DPP6: variants seen among roughly 807,000 people sequenced by gnomAD.
DPP6 encodes the protein dipeptidyl peptidase like 6, also known as A-type potassium channel modulatory protein DPP6.
A neutral mutation model predicts 122.6 loss-of-function variants in DPP6; 69 were observed. The ratio of observed to expected loss-of-function variants is 0.56; its 90% CI spans 0.46 to 0.69. The LOEUF (loss-of-function observed/expected upper bound fraction) is 0.69. Among genes scored for constraint, DPP6 ranks in the 30% least tolerant of loss-of-function variants. The probability of loss-of-function intolerance (pLI) is 0.00; values close to 1 mark genes in which losing one functional copy is unlikely to be tolerated. For missense variants in DPP6, 928 were observed against 1,116.9 expected, an observed-to-expected ratio of 0.83 and a Z score of 2.41; for synonymous variants, 418 against 433.1, an observed-to-expected ratio of 0.97 and a Z score of 0.43.
intron 1 of DPP6, among the ~76,000 whole-genome samples, chr7:153,902,931 T>G (rs779271579): frequency 2.0e-5 from 3 of 152,108 alleles, no homozygotes; most frequent in Non-Finnish European, 4.4e-5. Flanking sequence ...CAGGAAGAAG[T>G]AAGTGTCTTA....
chr7:154,378,121 T>A (rs769927187), intron 1 of DPP6, among the ~76,000 whole-genome samples: 18 of 152,232 alleles, frequency 1.2e-4, no homozygotes, highest in Non-Finnish European at 1.2e-4. Flanking sequence ...TCTCTTTCAT[T>A]CTCAGGACCC....
At chr7:154,422,483 T>A (rs1359333557) in intron 1 of DPP6, among the ~76,000 whole-genome samples, 1 of 152,176 alleles carries the variant, frequency 6.6e-6, no homozygotes, top group Non-Finnish European at 1.5e-5. Context: ...ATAAAATTAA[T>A]AGGCTAATAA....
intron 1 of DPP6, among the ~76,000 whole-genome samples, chr7:154,215,280 T>C (rs1431274643): frequency 6.6e-6 from 1 of 152,086 alleles, no homozygotes; most frequent in Non-Finnish European, 1.5e-5. Flanking sequence ...CTTTCTATCA[T>C]GAGAACAGCA....
intron 1 of DPP6, among the ~76,000 whole-genome samples, chr7:153,976,567 T>A (rs1796315261): frequency 6.6e-6 from 1 of 152,204 alleles, no homozygotes; most frequent in Non-Finnish European, 1.5e-5. Context: ...CAGTAAGAAC[T>A]GCAACTTCTA....
intron 3 of DPP6, among the ~76,000 whole-genome samples, chr7:154,495,260 T>C (rs1210519032): frequency 2.0e-5 from 3 of 152,330 alleles, no homozygotes; most frequent in Middle Eastern, 3.4e-3. Flanking sequence ...GGCCCCTCTC[T>C]AGCAGCTGGG....
At chr7:154,676,770 G>C (rs1276565237) in intron 7 of DPP6, among the ~76,000 whole-genome samples, 7 of 152,252 alleles carry the variant, frequency 4.6e-5, no homozygotes, top group African/African-American at 1.7e-4. Context: ...CCAGAACAAA[G>C]AAAACGAGTC....
chr7:154,277,562 G>A (rs773186403), intron 1 of DPP6, among the ~76,000 whole-genome samples: 3 of 152,144 alleles, frequency 2.0e-5, no homozygotes, highest in African/African-American at 4.8e-5. Context: ...TCAGGAGTTC[G>A]AGACCAGCCT....
chr7:154,463,260 T>G (rs978705691), intron 2 of DPP6, among the ~76,000 whole-genome samples: 2 of 138,712 alleles, frequency 1.4e-5, no homozygotes, highest in Admixed American at 1.6e-4. Flanking sequence ...CAGGCTGGAG[T>G]GCAGTGGCAC....
intron 1 of DPP6, among the ~76,000 whole-genome samples, chr7:153,940,911 T>C (rs927718010): frequency 2.0e-5 from 3 of 152,158 alleles, no homozygotes; most frequent in African/African-American, 7.2e-5. Context: ...CCGAAATCTC[T>C]CCTGTAGCGA....
intron 1 of DPP6, among the ~76,000 whole-genome samples, chr7:154,405,796 G>A (rs1026736936): frequency 3.9e-5 from 6 of 152,102 alleles, no homozygotes; most frequent in Admixed American, 1.3e-4. Flanking sequence ...CTCCTCCATC[G>A]CAAAATGAAT....
At chr7:154,637,732 T>C (rs1835815204) in intron 5 of DPP6, 89 bp from the exon 6 acceptor site, 3 of 1,364,792 alleles carry the variant, frequency 2.2e-6, no homozygotes, top group Non-Finnish European at 3.0e-6. Flanking sequence ...GGTTCACTGA[T>C]GTTTGTTAGG....
chr7:153,753,334 T>G, the DPP6 span, among the ~76,000 whole-genome samples: 1 of 152,240 alleles, frequency 6.6e-6, no homozygotes, highest in Non-Finnish European at 1.5e-5. Flanking sequence ...GGGATGACAA[T>G]TGTATATATA....
intron 4 of DPP6, among the ~76,000 whole-genome samples, chr7:154,563,026 G>A (rs951567566): frequency 5.3e-5 from 8 of 152,146 alleles, no homozygotes; most frequent in Admixed American, 1.3e-4. Context: ...TATAAAATAT[G>A]TATTAATATG....
intron 7 of DPP6, among the ~76,000 whole-genome samples, chr7:154,678,997 T>TGTA (rs59438113): frequency 0.11 from 16,224 of 152,236 alleles, 930 homozygotes; most frequent in East Asian, 0.15. Context: ...GTTAATCGTC[T>TGTA]GAGAATGAGA....
intron 1 of DPP6, among the ~76,000 whole-genome samples, chr7:153,915,117 A>C (rs1267164205): frequency 6.6e-6 from 1 of 152,202 alleles, no homozygotes; most frequent in African/African-American, 2.4e-5. Context: ...AGGGGAAAGC[A>C]CAGAACATCA....
At chr7:154,207,905 C>T (rs11760987) in intron 1 of DPP6, among the ~76,000 whole-genome samples, 18,584 of 150,648 alleles carry the variant, frequency 0.12, 1,359 homozygotes, top group African/African-American at 0.2. Context: ...CAGTGGGCCA[C>T]GATCATGCCA....
chr7:154,794,032 G>C (rs761302986), intron 10 of DPP6, 47 bp from the exon 11 acceptor site: 2 of 1,594,234 alleles, frequency 1.3e-6, no homozygotes, highest in East Asian at 2.3e-5. Context: ...GGCTTCTGTC[G>C]TGCGGGGGTC....
At chr7:154,574,780 T>A (rs1831406387) in intron 5 of DPP6, among the ~76,000 whole-genome samples, 1 of 97,678 alleles carries the variant, frequency 1.0e-5, no homozygotes, top group Admixed American at 1.2e-4. Flanking sequence ...GTGGTGCATA[T>A]GTGTGTGTGT....
intron 1 of DPP6, among the ~76,000 whole-genome samples, chr7:154,410,083 AGAATT>A (rs935469411): frequency 6.6e-6 from 1 of 152,260 alleles, no homozygotes; most frequent in Non-Finnish European, 1.5e-5. Context: ...TAGAAATGTT[AGAATT>A]TAAGAAGTAG....
Sources: allele counts gnomAD v4.1 joint callset (sites outside exome capture counted in the v4.1 genomes callset), GRCh38; gene constraint gnomAD v4.1.1; transcripts MANE v1.5; gene names NCBI Gene and HGNC (gene_info 2026-07-23, HGNC 2026-07-21).